CDKAL1: variants seen among roughly 807,000 people sequenced by gnomAD.
The protein encoded by CDKAL1 is threonylcarbamoyladenosine tRNA methylthiotransferase.
Under a neutral mutation model 68.2 loss-of-function variants are expected in CDKAL1, and 32 were observed. That is an observed-to-expected ratio of 0.47 (90% CI 0.35 to 0.63). The LOEUF is 0.63. Among genes scored for constraint, CDKAL1 ranks in the 30% least tolerant of loss-of-function variants. The pLI, the probability that CDKAL1 is intolerant of heterozygous loss-of-function variation, is 0.00. For missense variants in CDKAL1, 606 were observed against 696.7 expected (o/e 0.87, Z 1.47); for synonymous variants, 234 against 244.3 (o/e 0.96, Z 0.39).
intron 9 of CDKAL1, among the ~76,000 whole-genome samples, chr6:20,933,681 C>T (rs1261356065): frequency 6.6e-6 from 1 of 152,158 alleles, no homozygotes. Context: ...AGATTGCTTT[C>T]TATTTGTCAA....
chr6:21,178,745 G>T (rs1402687546), intron 13 of CDKAL1, among the ~76,000 whole-genome samples: 1 of 152,146 alleles, frequency 6.6e-6, no homozygotes, highest in Admixed American at 6.6e-5. Context: ...GCAATTTTCA[G>T]TTTCCTAAGG....
chr6:20,692,149 C>G (rs985987704), intron 5 of CDKAL1, among the ~76,000 whole-genome samples: 1 of 152,182 alleles, frequency 6.6e-6, no homozygotes, highest in Non-Finnish European at 1.5e-5. Context: ...TTTCTCCCCC[C>G]TCTGAGTAAA....
At chr6:20,761,359 C>G (rs371512661) in intron 7 of CDKAL1, among the ~76,000 whole-genome samples, 1 of 152,312 alleles carries the variant, frequency 6.6e-6, no homozygotes, top group East Asian at 1.9e-4. Context: ...CTTTGAAAGA[C>G]AGTTTGGCAA....
At chr6:20,698,296 C>A (rs1293770539) in intron 5 of CDKAL1, among the ~76,000 whole-genome samples, 1 of 152,140 alleles carries the variant, frequency 6.6e-6, no homozygotes, top group Non-Finnish European at 1.5e-5. Flanking sequence ...TGCAAAGAAA[C>A]CTCTTACCCA....
intron 12 of CDKAL1, among the ~76,000 whole-genome samples, chr6:21,084,031 G>A (rs531226635): frequency 1.3e-4 from 20 of 152,220 alleles, no homozygotes; most frequent in African/African-American, 3.1e-4. Context: ...TCTTCACTAC[G>A]TAGTTATCTG....
chr6:20,999,681 A>AAAAAAAG (rs1561949758), intron 10 of CDKAL1, among the ~76,000 whole-genome samples: 14 of 143,752 alleles, frequency 9.7e-5, no homozygotes, highest in Non-Finnish European at 7.5e-5. Flanking sequence ...AAAAAAAAAA[A>AAAAAAAG]AAAAAAGAAA....
At chr6:20,915,679 C>T (rs1023047886) in intron 9 of CDKAL1, among the ~76,000 whole-genome samples, 1 of 152,134 alleles carries the variant, frequency 6.6e-6, no homozygotes, top group African/African-American at 2.4e-5. Flanking sequence ...TACCGTGTGA[C>T]CCAGCAGTCT....
At chr6:21,116,035 G>C (rs2151001839) in intron 13 of CDKAL1, among the ~76,000 whole-genome samples, 1 of 152,214 alleles carries the variant, frequency 6.6e-6, no homozygotes, top group South Asian at 2.1e-4. Context: ...ACCCTCGTCA[G>C]CTTGTGATTT....
chr6:20,911,493 G>A (rs1288237812), intron 9 of CDKAL1, among the ~76,000 whole-genome samples: 1 of 152,212 alleles, frequency 6.6e-6, no homozygotes, highest in African/African-American at 2.4e-5. Context: ...AATCTCTTAT[G>A]TGGGCAGGGT....
At chr6:21,039,315 G>GA (rs894487860) in intron 11 of CDKAL1, among the ~76,000 whole-genome samples, 27 of 152,218 alleles carry the variant, frequency 1.8e-4, no homozygotes, top group African/African-American at 6.3e-4. Context: ...CAAGTCCATG[G>GA]AAAAAATGTC....
At chr6:20,815,093 A>C (rs1776989280) in intron 8 of CDKAL1, among the ~76,000 whole-genome samples, 1 of 152,176 alleles carries the variant, frequency 6.6e-6, no homozygotes, top group Admixed American at 6.5e-5. Flanking sequence ...CACATTTTAA[A>C]ATTCCTTAAT....
In CDKAL1 at chr6:21,162,438, G is replaced by A. The variant is rs986094282; in HGVS notation, c.1300-35583G>A. Among the ~76,000 whole-genome samples, 4 of 152,252 alleles carry A rather than the reference G, an allele frequency of 2.6e-5. No homozygotes were observed. The South Asian group carries it at 6.2e-4, about 24-fold the overall frequency. ...CTCTGATGGAAAACAGGTAAATGGG[G>A]CATTGAACTCTGAGGCCCATTCCAT... On this transcript the variant is annotated intron_variant, in intron 13 of 15. Coordinates refer to ENST00000274695, the MANE Select transcript of CDKAL1 (RefSeq NM_017774.3).
chr6:20,585,243 G>A (rs1765300898), intron 4 of CDKAL1, among the ~76,000 whole-genome samples: 1 of 151,686 alleles, frequency 6.6e-6, no homozygotes, highest in Admixed American at 6.6e-5. Flanking sequence ...TAGTAGAGAT[G>A]GGGTTTCACC....
chr6:20,638,835 T>C (rs760533958), intron 4 of CDKAL1, among the ~76,000 whole-genome samples: 135 of 152,220 alleles, frequency 8.9e-4, no homozygotes, highest in Non-Finnish European at 1.4e-3. Context: ...GGTTTCACCA[T>C]GTTGGTCATG....
intron 11 of CDKAL1, among the ~76,000 whole-genome samples, chr6:21,058,921 T>G (rs529577804): frequency 6.6e-6 from 1 of 152,342 alleles, no homozygotes; most frequent in East Asian, 1.9e-4. Context: ...AATGAAGCAC[T>G]CTGGCTGCCC....
At chr6:20,698,737 C>T (rs957776254) in intron 5 of CDKAL1, among the ~76,000 whole-genome samples, 2 of 151,952 alleles carry the variant, frequency 1.3e-5, no homozygotes, top group South Asian at 2.1e-4. Flanking sequence ...AATGGAGAGA[C>T]GGGAAGAGTA....
intron 4 of CDKAL1, among the ~76,000 whole-genome samples, chr6:20,600,812 T>A (rs4712516): frequency 6.9e-6 from 1 of 145,418 alleles, no homozygotes; most frequent in Non-Finnish European, 1.5e-5. Context: ...GAATGATAAA[T>A]TATTCTGTAA....
intron 12 of CDKAL1, among the ~76,000 whole-genome samples, chr6:21,071,236 G>A (rs1180942841): frequency 6.6e-6 from 1 of 152,150 alleles, no homozygotes; most frequent in East Asian, 1.9e-4. Flanking sequence ...CCTGGTGGGA[G>A]GTGATTGGAT....
intron 4 of CDKAL1, among the ~76,000 whole-genome samples, chr6:20,561,446 G>GAAA (rs55750789): frequency 0.019 from 1,480 of 79,614 alleles, 77 homozygotes; most frequent in African/African-American, 0.06. Context: ...TCTCAAAAAA[G>GAAA]AAAAAAAAAA....
Sources: allele counts gnomAD v4.1 joint callset (sites outside exome capture counted in the v4.1 genomes callset), GRCh38; gene constraint gnomAD v4.1.1; transcripts MANE v1.5; gene names NCBI Gene and HGNC (gene_info 2026-07-23, HGNC 2026-07-21).